Variants in SRGAP1 observed in about 807,000 individuals in gnomAD.
SRGAP1 encodes SLIT-ROBO Rho GTPase activating protein 1.
SRGAP1 carries 43 observed loss-of-function variants against 121.9 expected under a neutral mutation model. The ratio of observed to expected loss-of-function variants is 0.35; its 90% CI spans 0.28 to 0.46. The LOEUF (loss-of-function observed/expected upper bound fraction) is 0.46. Ranked by LOEUF, SRGAP1 falls within the 20% of genes least tolerant of loss-of-function variation. The pLI, the probability that SRGAP1 is intolerant of heterozygous loss-of-function variation, is 1.00. For synonymous variants in SRGAP1, 447 were observed against 485.4 expected, an observed-to-expected ratio of 0.92 and a Z score of 1.04; for missense variants, 1,102 against 1,350.9, an observed-to-expected ratio of 0.82 and a Z score of 2.89.
chr12:64,057,911 G>A (rs750495008), intron 6 of SRGAP1, among the ~76,000 whole-genome samples: 1 of 152,182 alleles, frequency 6.6e-6, no homozygotes, highest in Non-Finnish European at 1.5e-5. Context: ...CCTGGTGAAC[G>A]ACTGTGGCTG....
At chr12:64,058,415 C>G (rs1414273882) in intron 6 of SRGAP1, among the ~76,000 whole-genome samples, 1 of 152,144 alleles carries the variant, frequency 6.6e-6, no homozygotes, top group Non-Finnish European at 1.5e-5. Context: ...CATTTTGATA[C>G]TATTTGCAAC....
At chr12:64,066,768 A>G (rs1476963236) in intron 8 of SRGAP1, among the ~76,000 whole-genome samples, 4 of 152,154 alleles carry the variant, frequency 2.6e-5, no homozygotes, top group Non-Finnish European at 5.9e-5. Context: ...AAGGAAAGCT[A>G]TTGCTCACCT....
At chr12:63,947,750 T>C (rs1237080249) in intron 1 of SRGAP1, among the ~76,000 whole-genome samples, 3 of 152,214 alleles carry the variant, frequency 2.0e-5, no homozygotes, top group African/African-American at 7.2e-5. Flanking sequence ...CTCAAAAGTG[T>C]TGGCTGTTCA....
chr12:64,095,062 T>C, intron 13 of SRGAP1, 65 bp from the exon 14 acceptor site: 1 of 1,609,998 alleles, frequency 6.2e-7, no homozygotes. Context: ...ATTTACTTCC[T>C]GGGAAAAGAG....
intron 1 of SRGAP1, among the ~76,000 whole-genome samples, chr12:63,953,967 C>A (rs2032377934): frequency 6.6e-6 from 1 of 152,146 alleles, no homozygotes; most frequent in Admixed American, 6.5e-5. Context: ...CACCGTCAAT[C>A]TTTTTTTGTT....
chr12:63,943,267 C>A (rs537983526), intron 1 of SRGAP1, among the ~76,000 whole-genome samples: 1 of 152,224 alleles, frequency 6.6e-6, no homozygotes, highest in Admixed American at 6.5e-5. Context: ...ATGTGCAAGG[C>A]CCTGTGCCAG....
At chr12:63,982,613 A>G (rs1391379185) in intron 1 of SRGAP1, 1 of 152,224 alleles carries the variant, frequency 6.6e-6, no homozygotes, top group Non-Finnish European at 1.5e-5. Context: ...GAGGAATAGC[A>G]AGAAATTTAG....
At chr12:64,075,415 G>A (rs1462659668) in intron 8 of SRGAP1, among the ~76,000 whole-genome samples, 2 of 152,214 alleles carry the variant, frequency 1.3e-5, no homozygotes, top group African/African-American at 2.4e-5. Flanking sequence ...ACCTTCCAGT[G>A]TGGGTGTTAT....
At chr12:63,885,183 C>T (rs1217465415) in intron 1 of SRGAP1, among the ~76,000 whole-genome samples, 4 of 152,088 alleles carry the variant, frequency 2.6e-5, no homozygotes, top group Non-Finnish European at 4.4e-5. Context: ...CAGCAGACAC[C>T]AGGAAGTCCA....
At chr12:64,066,917 T>G (rs1228065005) in intron 8 of SRGAP1, among the ~76,000 whole-genome samples, 86 of 152,226 alleles carry the variant, frequency 5.6e-4, no homozygotes, top group Non-Finnish European at 7.3e-5. Flanking sequence ...TGCTGTTTTA[T>G]TTGGATAACA....
At chr12:63,892,402 T>C (rs529489647) in intron 1 of SRGAP1, among the ~76,000 whole-genome samples, 1 of 152,348 alleles carries the variant, frequency 6.6e-6, no homozygotes, top group South Asian at 2.1e-4. Flanking sequence ...TCATTAAAAA[T>C]ATTCTAGACA....
intron 18 of SRGAP1, among the ~76,000 whole-genome samples, chr12:64,123,217 C>T (rs567857931): frequency 3.3e-5 from 5 of 152,180 alleles, no homozygotes; most frequent in Non-Finnish European, 5.9e-5. Flanking sequence ...ATTAGCATGC[C>T]ACGTCTGTAG....
chr12:63,990,261 T>C (rs565927753), intron 3 of SRGAP1, among the ~76,000 whole-genome samples, 189 bp downstream of exon 3: 4 of 152,292 alleles, frequency 2.6e-5, no homozygotes, highest in African/African-American at 9.6e-5. Context: ...AGGCCGGGCG[T>C]GGTAGCTCAT....
rs71457100 is a variant in SRGAP1 at position 63,861,302 on chromosome 12, A to ATTTTT, written c.67+16430_67+16434dup. Among the ~76,000 whole-genome samples, 1,403 of 132,594 alleles carry ATTTTT rather than the reference A, an allele frequency of 0.011. 75 individuals carry two copies. The East Asian group carries it at 0.14, about 13-fold the overall frequency. The allele number at this position is 132,594 out of a possible 152,430, so 87.0% of individuals were successfully genotyped here. On this transcript the variant is annotated intron_variant, in intron 1 of 21. Coordinates refer to ENST00000355086, the MANE Select transcript of SRGAP1 (RefSeq NM_020762.4). ...GGATGGTAGGCATATATATATATATATTTTTTTTTTTTTTTGAGGCAAAGT... is the reference window on the plus strand; with the variant it reads ...GGATGGTAGGCATATATATATATATATTTTTTTTTTTTTTTTTTTTGAGGCAAAGT...
intron 1 of SRGAP1, among the ~76,000 whole-genome samples, chr12:63,945,852 A>G (rs1450961302): frequency 6.6e-6 from 1 of 152,172 alleles, no homozygotes; most frequent in African/African-American, 2.4e-5. Flanking sequence ...TAGAAGACTG[A>G]GTACTTCAGT....
In SRGAP1 at chr12:64,075,357, C is replaced by T. The variant is rs116965514; in HGVS notation, c.1126-3562C>T. ...TTAAGAATGCCTTTAAGCAGTTTTCCGACTTGGGCGGGCCAGGTGTTCCTT... is the reference window on the plus strand; with the variant it reads ...TTAAGAATGCCTTTAAGCAGTTTTCTGACTTGGGCGGGCCAGGTGTTCCTT... On this transcript the variant is annotated intron_variant, in intron 8 of 21. Coordinates refer to ENST00000355086, the MANE Select transcript of SRGAP1 (RefSeq NM_020762.4). Among the ~76,000 whole-genome samples the T allele has an allele frequency of 4.5e-3, 692 of 152,312 alleles. 4 individuals are homozygous for T. Among genetic ancestry groups the T allele is most frequent in the Non-Finnish European group, 7.6e-3 (517 of 68,032 alleles).
At chr12:64,019,525 G>C (rs1324814848) in intron 4 of SRGAP1, among the ~76,000 whole-genome samples, 1 of 152,070 alleles carries the variant, frequency 6.6e-6, no homozygotes, top group African/African-American at 2.4e-5. Flanking sequence ...CAAGGCCAGA[G>C]GTCATATTCT....
intron 1 of SRGAP1, among the ~76,000 whole-genome samples, chr12:63,898,444 A>C (rs1423350546): frequency 1.3e-5 from 2 of 152,232 alleles, no homozygotes; most frequent in African/African-American, 4.8e-5. Context: ...CCTTCTGATA[A>C]TTTTAAAAGG....
intron 7 of SRGAP1, among the ~76,000 whole-genome samples, chr12:64,064,328 ATTGT>A (rs1327209286): frequency 6.6e-6 from 1 of 152,164 alleles, no homozygotes; most frequent in Non-Finnish European, 1.5e-5. Context: ...ATAAGAAGAA[ATTGT>A]TTGTTTCTGG....
Sources: gnomAD v4.1 joint callset for allele counts (sites outside exome capture counted in the v4.1 genomes callset) on GRCh38, gnomAD v4.1.1 for gene constraint, MANE v1.5 for transcripts, NCBI Gene and HGNC (gene_info 2026-07-23, HGNC 2026-07-21) for gene names.